The following HGSNAT variants were observed in gnomAD, a reference collection of about 807,000 sequenced individuals.
HGSNAT encodes the protein transmembrane protein 76.
In HGSNAT, 59 loss-of-function variants were observed where a neutral mutation model predicts 85.2. The observed-to-expected ratio is 0.69, with a 90% CI of 0.56 to 0.86. The LOEUF is 0.86. HGSNAT is among the 40% of genes least tolerant of loss of function. The probability of loss-of-function intolerance (pLI) is 0.00; values close to 1 mark genes in which losing one functional copy is unlikely to be tolerated. For missense variants in HGSNAT, 756 were observed against 777.1 expected (o/e 0.97, Z 0.32); for synonymous variants, 321 against 304.5 (o/e 1.05, Z -0.56).
chr8:43,169,264 G>A (rs1803537528), intron 6 of HGSNAT, 22 bp downstream of exon 6: 1 of 1,456,952 alleles, frequency 6.9e-7, no homozygotes. Flanking sequence ...GATGCATAGT[G>A]TATTGCCCAG....
At chr8:43,192,821 A>T (rs577818869) in intron 13 of HGSNAT, among the ~76,000 whole-genome samples, 1 of 152,316 alleles carries the variant, frequency 6.6e-6, no homozygotes, top group South Asian at 2.1e-4. Flanking sequence ...AAATGATCAT[A>T]GCACAGTGCT....
intron 5 of HGSNAT, among the ~76,000 whole-genome samples, chr8:43,166,286 T>C (rs144757147): frequency 2.0e-5 from 3 of 152,222 alleles, no homozygotes; most frequent in Non-Finnish European, 4.4e-5. Context: ...ACAGTTTCCA[T>C]GCAGATGAAA....
At chr8:43,166,863 A>G (rs560798606) in intron 5 of HGSNAT, among the ~76,000 whole-genome samples, 12 of 152,368 alleles carry the variant, frequency 7.9e-5, no homozygotes, top group African/African-American at 2.4e-4. Flanking sequence ...AGGATTCACC[A>G]TTGTAGATGC....
intron 11 of HGSNAT, among the ~76,000 whole-genome samples, chr8:43,187,393 G>A (rs1465227993): frequency 6.6e-6 from 1 of 152,168 alleles, no homozygotes; most frequent in Non-Finnish European, 1.5e-5. Context: ...TTACCATTAT[G>A]TAATGGCCTT....
chr8:43,188,784 A>G (rs1804416968), intron 11 of HGSNAT, among the ~76,000 whole-genome samples: 1 of 152,130 alleles, frequency 6.6e-6, no homozygotes, highest in Admixed American at 6.5e-5. Context: ...TTGTGGTTTT[A>G]TCTACCTTTG....
intron 10 of HGSNAT, among the ~76,000 whole-genome samples, chr8:43,179,524 C>G (rs376690935): frequency 8.4e-6 from 1 of 118,768 alleles, no homozygotes; most frequent in Admixed American, 7.7e-5. Context: ...CCGGACGGGG[C>G]GGCTGGCCGA....
At chr8:43,194,338 C>T in intron 14 of HGSNAT, 2 of 938,034 alleles carry the variant, frequency 2.1e-6, no homozygotes, top group Non-Finnish European at 2.5e-6. Flanking sequence ...GTTGAGGCTG[C>T]AGTGAGCCTT....
chr8:43,160,517 A>G (rs568166449), intron 4 of HGSNAT, among the ~76,000 whole-genome samples: 2 of 152,188 alleles, frequency 1.3e-5, no homozygotes, highest in African/African-American at 4.8e-5. Flanking sequence ...GGCCCATTTC[A>G]AAGATACTTT....
chr8:43,182,995 G>A (rs1322160889), intron 11 of HGSNAT, among the ~76,000 whole-genome samples: 1 of 152,076 alleles, frequency 6.6e-6, no homozygotes, highest in Non-Finnish European at 1.5e-5. Context: ...TAGTTGATAT[G>A]TAATACTTGT....
intron 5 of HGSNAT, among the ~76,000 whole-genome samples, chr8:43,163,840 T>TA (rs1225319263): frequency 3.3e-5 from 5 of 152,200 alleles, no homozygotes; most frequent in Non-Finnish European, 5.9e-5. Context: ...GTGTCTATTT[T>TA]AACATTTTAC....
intron 2 of HGSNAT, among the ~76,000 whole-genome samples, chr8:43,150,167 C>G (rs1355713793): frequency 6.6e-6 from 1 of 152,062 alleles, no homozygotes; most frequent in South Asian, 2.1e-4. Flanking sequence ...TTTGGCCACG[C>G]TGGTCCTGAA....
chr8:43,179,284 G>A (rs866475022), intron 10 of HGSNAT, among the ~76,000 whole-genome samples: 17 of 150,778 alleles, frequency 1.1e-4, no homozygotes, highest in African/African-American at 3.7e-4. Flanking sequence ...TGGCCAGGCA[G>A]AGGGGCTCCT....
chr8:43,154,000 T>C (rs1803006051), intron 2 of HGSNAT, among the ~76,000 whole-genome samples: 1 of 152,220 alleles, frequency 6.6e-6, no homozygotes, highest in Non-Finnish European at 1.5e-5. Context: ...TAGTGCTGTA[T>C]TAAACATGGG....
At chr8:43,158,828 GGAAC>G (rs1803176888) in intron 3 of HGSNAT, 91 bp from the exon 4 acceptor site, 1 of 1,501,808 alleles carries the variant, frequency 6.7e-7, no homozygotes, top group East Asian at 2.3e-5. Flanking sequence ...TCCGTACCCA[GGAAC>G]ATGTATTATT....
At chr8:43,140,840 GA>G (rs959966006) in intron 1 of HGSNAT, among the ~76,000 whole-genome samples, 1 of 152,092 alleles carries the variant, frequency 6.6e-6, no homozygotes, top group Non-Finnish European at 1.5e-5. Context: ...GGGCGGTTCG[GA>G]CCGCGGCGGA....
At position 43,182,145 on chromosome 8, in the gene HGSNAT, T is replaced by C; in HGVS notation, c.1013T>C (p.Leu338Ser). The change falls in exon 11 of 18, where the codon TTG becomes TCG. Residue 338 changes from leucine to serine, a missense_variant and splice_region_variant. Leu to Ser is a moderately radical substitution (Grantham distance 145). Transcript: ENST00000379644. ...TTGACCTAACTTGTGTCTTTTGCAG[T>C]GTCTTGGGACAAGGTGCGCATTCCT... ...IVNPNYCLGP[L>S]SWDKVRIPGV... 1 of 1,612,738 alleles carries C rather than the reference T, an allele frequency of 6.2e-7. No homozygotes were observed. Among genetic ancestry groups the C allele is most frequent in the Non-Finnish European group, 8.5e-7 (1 of 1,178,712 alleles).
intron 9 of HGSNAT, among the ~76,000 whole-genome samples, chr8:43,175,387 G>T (rs1803773859): frequency 6.6e-6 from 1 of 151,998 alleles, no homozygotes; most frequent in Admixed American, 6.6e-5. Context: ...ATCAGCATTG[G>T]TTATTGCTGT....
At chr8:43,155,947 T>A (rs1245660993) in intron 2 of HGSNAT, among the ~76,000 whole-genome samples, 1 of 152,146 alleles carries the variant, frequency 6.6e-6, no homozygotes, top group East Asian at 1.9e-4. Context: ...TTCAAGTGAT[T>A]CTCCCATCTC....
intron 14 of HGSNAT, chr8:43,196,369 A>G: frequency 8.4e-6 from 7 of 830,534 alleles, no homozygotes; most frequent in Non-Finnish European, 1.2e-5. Flanking sequence ...CTGTTTTTAA[A>G]TGTTTCCCTG....
Sources: allele counts gnomAD v4.1 joint callset (sites outside exome capture counted in the v4.1 genomes callset), GRCh38; gene constraint gnomAD v4.1.1; transcripts MANE v1.5; gene names NCBI Gene and HGNC (gene_info 2026-07-23, HGNC 2026-07-21).